SRGAP2: variants seen among roughly 807,000 people sequenced by gnomAD.
SRGAP2 encodes SLIT-ROBO Rho GTPase activating protein 2.
In SRGAP2, 15 loss-of-function variants were observed where a neutral mutation model predicts 57.2. The observed-to-expected ratio is 0.26, with a 90% confidence interval of 0.18 to 0.40. The LOEUF is 0.40. Ranked by LOEUF, SRGAP2 falls within the 10% of genes least tolerant of loss-of-function variation. The probability of loss-of-function intolerance (pLI) is 1.00; values close to 1 mark genes in which losing one functional copy is unlikely to be tolerated. For missense variants in SRGAP2, 520 were observed against 669.6 expected, an observed-to-expected ratio of 0.78 and a Z score of 2.47; for synonymous variants, 249 against 248.0, an observed-to-expected ratio of 1.00 and a Z score of -0.04.
chr1:206,372,969 CTTTCTTTCTTT>C lies in SRGAP2; in HGVS notation c.424-11044_424-11034del, dbSNP rs1654768417. ...TTTCTTTCTTTCTTTTCTTTCCTTTCTTTCTTTCTTTCTTTCTTTCTTTCTTTCTTTCTTTC... is the reference window on the plus strand; with the variant it reads ...TTTCTTTCTTTCTTTTCTTTCCTTTCCTTTCTTTCTTTCTTTCTTTCTTTC... On this transcript the variant is annotated intron_variant, in intron 4 of 22. Coordinates refer to ENST00000573034, the MANE Select transcript of SRGAP2 (RefSeq NM_015326.5). Among the ~76,000 whole-genome samples, 75 of 11,596 alleles carry C rather than the reference CTTTCTTTCTTT, an allele frequency of 6.5e-3. 9 individuals carry two copies. The highest frequency in any genetic ancestry group is 0.025 in the African/African-American group (65 of 2,586). The allele number at this position is 11,596 out of a possible 152,430, so 7.6% of individuals were successfully genotyped here. A position where few individuals can be genotyped will look rare whatever the true frequency, so the allele number is the denominator to read the frequency against.
intron 11 of SRGAP2, among the ~76,000 whole-genome samples, chr1:206,416,542 A>G (rs1553362040): frequency 6.6e-6 from 1 of 152,152 alleles, no homozygotes; most frequent in African/African-American, 2.4e-5. Flanking sequence ...TGCTGAATGG[A>G]CTGTCTTGTC....
At chr1:206,347,735 T>G (rs2102941774) in intron 4 of SRGAP2, among the ~76,000 whole-genome samples, 1 of 149,430 alleles carries the variant, frequency 6.7e-6, no homozygotes, top group South Asian at 2.1e-4. Context: ...TTTTCTCTGT[T>G]TCATTGAATT....
In SRGAP2 at chr1:206,421,943, T is replaced by A. The variant is rs191004312; in HGVS notation, c.1494+669T>A. On this transcript the variant is annotated intron_variant, in intron 13 of 22. Transcript: ENST00000573034. ...AGCACTTGTGCTTGTTTAAAAAAAA[T>A]TAATTGAAGTATTTTTTGCAGTAGC... is the stretch of plus-strand genomic sequence containing the variant. Among the ~76,000 whole-genome samples, 29 of 152,264 alleles carry A rather than the reference T, an allele frequency of 1.9e-4. No homozygotes were observed. The East Asian group carries it at 4.2e-3, about 22-fold the overall frequency.
intron 13 of SRGAP2, among the ~76,000 whole-genome samples, chr1:206,427,630 C>T (rs1660910460): frequency 6.6e-6 from 1 of 152,166 alleles, no homozygotes; most frequent in Non-Finnish European, 1.5e-5. Context: ...GTGGCAAATT[C>T]AGAGCCAGGG....
At chr1:206,428,883 A>G (rs1661043233) in intron 13 of SRGAP2, among the ~76,000 whole-genome samples, 1 of 152,056 alleles carries the variant, frequency 6.6e-6, no homozygotes, top group Non-Finnish European at 1.5e-5. Flanking sequence ...CTTGATCTCA[A>G]GTGATCTGCT....
chr1:206,460,503 T>C (rs1157037516), intron 22 of SRGAP2, among the ~76,000 whole-genome samples: 1 of 152,030 alleles, frequency 6.6e-6, no homozygotes, highest in Non-Finnish European at 1.5e-5. Flanking sequence ...GGAGGCGTAT[T>C]GGGCTCCTGA....
chr1:206,435,586 G>A (rs1553369730), intron 14 of SRGAP2, among the ~76,000 whole-genome samples: 1 of 152,222 alleles, frequency 6.6e-6, no homozygotes, highest in Admixed American at 6.5e-5. Context: ...ACTGACCAAT[G>A]TGGTTCCAGC....
At chr1:206,310,158 T>C (rs1672530483) in intron 3 of SRGAP2, among the ~76,000 whole-genome samples, 1 of 151,704 alleles carries the variant, frequency 6.6e-6, no homozygotes, top group East Asian at 1.9e-4. Flanking sequence ...GTGAAACATA[T>C]GAAATTGCTG....
At chr1:206,433,549 A>C (rs1039721113) in intron 14 of SRGAP2, among the ~76,000 whole-genome samples, 5 of 152,018 alleles carry the variant, frequency 3.3e-5, no homozygotes, top group African/African-American at 1.2e-4. Flanking sequence ...GCTGAGGCAC[A>C]AGAATCACTC....
chr1:206,294,242 TTTC>T (rs1671471957), intron 2 of SRGAP2, among the ~76,000 whole-genome samples: 1 of 13,374 alleles, frequency 7.5e-5, no homozygotes, highest in South Asian at 1.4e-3. Context: ...TAGGGCCATT[TTTC>T]TTCTTCTCTT....
chr1:206,434,643 G>T (rs1553369374), intron 14 of SRGAP2, among the ~76,000 whole-genome samples: 1 of 152,178 alleles, frequency 6.6e-6, no homozygotes, highest in Non-Finnish European at 1.5e-5. Flanking sequence ...AGAATCTAGA[G>T]ATTCTGTCTG....
chr1:206,422,999 T>C (rs1344107680), intron 13 of SRGAP2, among the ~76,000 whole-genome samples: 2 of 152,214 alleles, frequency 1.3e-5, no homozygotes, highest in African/African-American at 4.8e-5. Context: ...AGTAATCTTA[T>C]ATAAGTAACA....
chr1:206,307,768 C>T (rs1672337197), intron 3 of SRGAP2, among the ~76,000 whole-genome samples: 1 of 152,188 alleles, frequency 6.6e-6, no homozygotes, highest in Non-Finnish European at 1.5e-5. Flanking sequence ...ACCAAGCCCA[C>T]GCCCACCCGG....
At chr1:206,237,303 A>T (rs1391680291) in intron 2 of SRGAP2, among the ~76,000 whole-genome samples, 1 of 152,170 alleles carries the variant, frequency 6.6e-6, no homozygotes, top group Non-Finnish European at 1.5e-5. Flanking sequence ...GGGGGGAAAA[A>T]AAAGTGAATG....
At chr1:206,327,794 C>A (rs1553330636) in intron 3 of SRGAP2, among the ~76,000 whole-genome samples, 1 of 90,808 alleles carries the variant, frequency 1.1e-5, no homozygotes, top group Non-Finnish European at 2.0e-5. Context: ...AGCACTACAA[C>A]TACACTGAAT....
chr1:206,424,259 T>C (rs1660600336), intron 13 of SRGAP2, among the ~76,000 whole-genome samples: 1 of 151,878 alleles, frequency 6.6e-6, no homozygotes, highest in South Asian at 2.1e-4. Flanking sequence ...AAGATTTCAT[T>C]ACCAAAAAAT....
intron 4 of SRGAP2, among the ~76,000 whole-genome samples, chr1:206,374,168 G>A (rs1260006941): frequency 2.0e-5 from 3 of 150,230 alleles, no homozygotes; most frequent in Non-Finnish European, 4.5e-5. Flanking sequence ...GGGACTACAG[G>A]CGCCCGCCAC....
In SRGAP2 at chr1:206,461,157, G is replaced by A. The variant is rs1553380489; in HGVS notation, c.2953G>A (p.Val985Met). 2.6e-6 allele frequency: 2 copies of A among 780,698 alleles called. No individual in the cohort carries two copies. The highest frequency in any genetic ancestry group is 3.4e-5 in the Admixed American group (2 of 59,018). 48.4% of individuals were successfully genotyped at this position (780,698 alleles called of 1,614,324 possible). ...CTTGGAGCCCCTCAAAACCTCCCCA[G>A]TGGTGGCCCCCACGTCAGAGCCCTC... Reference protein sequence around the residue: ...DTLEPLKTSPVVAPTSEPSSP... With the variant: ...DTLEPLKTSPMVAPTSEPSSP... Residue 985 changes from valine (V) to methionine (M), a missense_variant, in exon 23 of 23, where the codon GTG (valine) becomes ATG (methionine). Coordinates refer to ENST00000573034, the MANE Select transcript of SRGAP2 (RefSeq NM_015326.5).
intron 3 of SRGAP2, among the ~76,000 whole-genome samples, chr1:206,324,509 T>G (rs1553329088): frequency 6.6e-6 from 1 of 152,034 alleles, no homozygotes; most frequent in Non-Finnish European, 1.5e-5. Flanking sequence ...CATTTGTAGG[T>G]CAAATAATTC....
Sources: gnomAD v4.1 joint callset for allele counts (sites outside exome capture counted in the v4.1 genomes callset) on GRCh38, gnomAD v4.1.1 for gene constraint, MANE v1.5 for transcripts, NCBI Gene and HGNC (gene_info 2026-07-23, HGNC 2026-07-21) for gene names.